Variants in AKR1C2 observed in about 807,000 individuals in gnomAD.
The protein encoded by AKR1C2 is aldo-keto reductase family 1 member C2.
A neutral mutation model predicts 39.8 loss-of-function variants in AKR1C2; 27 were observed. That is an observed-to-expected ratio of 0.68 (90% CI 0.50 to 0.93). AKR1C2 has a LOEUF of 0.93. Among genes scored for constraint, AKR1C2 ranks in the 40% least tolerant of loss-of-function variants. The probability of loss-of-function intolerance (pLI) is 0.00; values close to 1 mark genes in which losing one functional copy is unlikely to be tolerated. For missense variants in AKR1C2, 263 were observed against 365.1 expected (o/e 0.72, Z 2.28); for synonymous variants, 114 against 137.9 (o/e 0.83, Z 1.22).
chr10:5,002,822 T>A (rs1837312492), intron 1 of AKR1C2, among the ~76,000 whole-genome samples: 1 of 152,222 alleles, frequency 6.6e-6, no homozygotes, highest in East Asian at 1.9e-4. Flanking sequence ...AATCAAAGGC[T>A]TACCAAGGCC....
chr10:5,005,411 G>A (rs1238493071), upstream of AKR1C2, among the ~76,000 whole-genome samples: 2 of 151,984 alleles, frequency 1.3e-5, no homozygotes, highest in East Asian at 1.9e-4. Flanking sequence ...GGCCAGGCAC[G>A]GTGGTTCACA....
upstream of AKR1C2, chr10:5,006,453 AT>A (rs1564334695): frequency 6.6e-6 from 1 of 151,990 alleles, no homozygotes; most frequent in Non-Finnish European, 1.5e-5. Context: ...AATAGAAAAA[AT>A]TAGCTGGTCA....
At chr10:5,003,071 ATC>A (rs1837319921) in intron 1 of AKR1C2, among the ~76,000 whole-genome samples, 2 of 152,086 alleles carry the variant, frequency 1.3e-5, no homozygotes, top group South Asian at 4.1e-4. Flanking sequence ...CTATTTCTAA[ATC>A]TAGAAAATAA....
intron 8 of AKR1C2, among the ~76,000 whole-genome samples, chr10:4,991,208 A>G (rs1216435023): frequency 6.6e-6 from 1 of 151,440 alleles, no homozygotes; most frequent in African/African-American, 2.5e-5. Flanking sequence ...AGATCTCCAT[A>G]TTGCAGAACA....
rs564063270 is a variant in AKR1C2 at position 4,998,949 on chromosome 10, A to G, written c.448-202T>C. On this transcript the variant is annotated intron_variant, in intron 4 of 8. Transcript: ENST00000380753. ...GAGTGAGAATTTCTGTTTCCTCCTT[A>G]GGAAAGTGGAGAGATTAATGTACAG... Among the ~76,000 whole-genome samples the G allele has an allele frequency of 1.8e-4, 27 of 152,310 alleles. No individual in the cohort carries two copies. The East Asian group carries it at 5.2e-3, about 29-fold the overall frequency.
upstream of AKR1C2, chr10:5,007,633 A>T (rs1837432803): frequency 6.6e-6 from 1 of 150,492 alleles, no homozygotes; most frequent in Admixed American, 6.6e-5. Flanking sequence ...AGCTGCAGAC[A>T]TAAATTTCAG....
chr10:4,993,032 A>C lies in AKR1C2; in HGVS notation c.847-1119T>G, dbSNP rs180850217. Among the ~76,000 whole-genome samples the C allele has an allele frequency of 5.5e-4, 84 of 152,348 alleles. 2 individuals carry two copies. In the East Asian group the frequency reaches 0.013, roughly 23 times the overall value. ...AGATGATTTATTAATAAGTAGTGGG[A>C]TATTCATATTATGATCATGGACTGG... On this transcript the variant is annotated intron_variant, in intron 7 of 8. Transcript: ENST00000380753.
intron 1 of AKR1C2, among the ~76,000 whole-genome samples, chr10:5,017,620 G>T (rs1837669562): frequency 1.3e-5 from 2 of 152,056 alleles, no homozygotes; most frequent in Admixed American, 1.3e-4. Context: ...AAGTCTCTAG[G>T]AAGTCAAAAC....
At position 5,013,498 on chromosome 10, in the gene AKR1C2, T is replaced by C. The variant is rs111459893; in HGVS notation, c.-88+4402A>G. The C allele has an allele frequency of 5.5e-3, 1,078 of 194,760 alleles. 15 individuals are homozygous for C. Among genetic ancestry groups the C allele is most frequent in the African/African-American group, 0.024 (1,027 of 43,136 alleles). The allele number at this position is 194,760 out of a possible 1,614,324, so 12.1% of individuals were successfully genotyped here. On this transcript the variant is annotated intron_variant, in intron 1 of 6. Transcript: ENST00000604507. ...GCCCCAGTGGCCCTAAGGGCTCATC[T>C]GGTTGTAGGTGGGCTTGTACTTGAG...
At chr10:5,008,949 G>C (rs1365732336), upstream of AKR1C2, among the ~76,000 whole-genome samples, 2 of 152,200 alleles carry the variant, frequency 1.3e-5, no homozygotes, top group African/African-American at 4.8e-5. Context: ...GGGTACACTT[G>C]AGCCTCACAG....
At chr10:4,998,387 C>T (rs1837134867) in intron 5 of AKR1C2, among the ~76,000 whole-genome samples, 2 of 152,146 alleles carry the variant, frequency 1.3e-5, no homozygotes, top group Admixed American at 6.5e-5. Context: ...ACTTCTTGAT[C>T]GAATTGACCT....
chr10:5,003,973 C>T (rs1409411669), upstream of AKR1C2: 2 of 618,830 alleles, frequency 3.2e-6, no homozygotes, highest in Non-Finnish European at 5.8e-6. Context: ...CAGTCTTACA[C>T]AAGCTGTGAT....
At chr10:4,998,818 T>C (rs1436174294) in intron 4 of AKR1C2, 71 bp from the exon 5 acceptor site, 27 of 1,596,338 alleles carry the variant, frequency 1.7e-5, no homozygotes, top group African/African-American at 2.7e-5. Flanking sequence ...AACATAGAAC[T>C]GTGAAAGCAA....
At chr10:4,996,937 C>T (rs1417628085) in intron 5 of AKR1C2, among the ~76,000 whole-genome samples, 1 of 152,040 alleles carries the variant, frequency 6.6e-6, no homozygotes, top group Non-Finnish European at 1.5e-5. Flanking sequence ...GTTCAAATCA[C>T]TGATGTATAC....
rs1369784558 is a variant in AKR1C2 at position 4,989,814 on chromosome 10, A to T, written c.*182T>A. 1.1e-6 allele frequency: 1 copy of T among 922,690 alleles called. No individual in the cohort carries two copies. Among genetic ancestry groups the T allele is most frequent in the Non-Finnish European group, 1.6e-6 (1 of 618,006 alleles). 57.2% of individuals were successfully genotyped at this position (922,690 alleles called of 1,614,324 possible). Reference sequence around the variant, plus strand: ...AGGAGAGAGCATTTAATTTTTTCAAAATGAAAAACAAAATTATTGTCTTTC... The same window carrying T: ...AGGAGAGAGCATTTAATTTTTTCAATATGAAAAACAAAATTATTGTCTTTC... On this transcript the variant is annotated 3_prime_UTR_variant, in exon 9 of 9. Transcript: ENST00000380753.
chr10:4,995,551 C>G (rs1440875984), intron 6 of AKR1C2, 67 bp from the exon 7 acceptor site: 1 of 1,583,738 alleles, frequency 6.3e-7, no homozygotes, highest in Non-Finnish European at 8.6e-7. Context: ...GCTCCCTAAA[C>G]AGACTAAGGC....
chr10:5,004,029 A>G (rs1441562932), upstream of AKR1C2: 13 of 533,830 alleles, frequency 2.4e-5, no homozygotes, highest in Non-Finnish European at 4.4e-5. Flanking sequence ...GAAAATTCAT[A>G]AGTAAATTAT....
intron 5 of AKR1C2, 30 bp downstream of exon 5, chr10:4,998,595 C>T (rs1321497652): frequency 5.0e-6 from 8 of 1,612,518 alleles, no homozygotes; most frequent in Middle Eastern, 3.3e-4. Context: ...GCATGAAGAA[C>T]AGAAAGGAGA....
At chr10:5,000,384 A>T in intron 3 of AKR1C2, 166 bp downstream of exon 3, 1 of 1,554,800 alleles carries the variant, frequency 6.4e-7, no homozygotes, top group South Asian at 1.2e-5. Flanking sequence ...TGGATTCAAA[A>T]TTGCTTTCTG....
Sources: allele counts gnomAD v4.1 joint callset (sites outside exome capture counted in the v4.1 genomes callset), GRCh38; gene constraint gnomAD v4.1.1; transcripts MANE v1.5; gene names NCBI Gene and HGNC (gene_info 2026-07-23, HGNC 2026-07-21).